Variants in NEK7 observed in about 807,000 individuals in gnomAD.
The protein encoded by NEK7 is serine/threonine-protein kinase Nek7.
A neutral mutation model predicts 44.6 loss-of-function variants in NEK7; 18 were observed. That is an observed-to-expected ratio of 0.40 (90% CI 0.28 to 0.60). NEK7 has a LOEUF of 0.60. Among genes scored for constraint, NEK7 ranks in the 20% least tolerant of loss-of-function variants. NEK7 has a pLI of 0.38. For missense variants in NEK7, 256 were observed against 366.5 expected (o/e 0.70, Z 2.46); for synonymous variants, 130 against 121.1 (o/e 1.07, Z -0.48).
At chr1:198,275,351 G>T (rs550870965) in intron 5 of NEK7, among the ~76,000 whole-genome samples, 1 of 151,080 alleles carries the variant, frequency 6.6e-6, no homozygotes, top group Non-Finnish European at 1.5e-5. Flanking sequence ...TTGTAAAAGC[G>T]CCCTGTCACA....
At chr1:198,204,754 C>G (rs1369787183) in intron 1 of NEK7, among the ~76,000 whole-genome samples, 1 of 148,770 alleles carries the variant, frequency 6.7e-6, no homozygotes, top group Non-Finnish European at 1.5e-5. Flanking sequence ...TCAGGTATTT[C>G]ATTTACAGAT....
chr1:198,278,813 C>A, intron 6 of NEK7, 141 bp from the exon 7 acceptor site: 1 of 575,368 alleles, frequency 1.7e-6, no homozygotes, highest in East Asian at 2.9e-5. Context: ...CAGAATTATT[C>A]AAAATAAACT....
intron 7 of NEK7, among the ~76,000 whole-genome samples, chr1:198,288,538 G>A (rs1654450555): frequency 6.6e-6 from 1 of 152,170 alleles, no homozygotes; most frequent in African/African-American, 2.4e-5. Context: ...TTAAATGCAA[G>A]AGACAAGAAC....
intron 9 of NEK7, among the ~76,000 whole-genome samples, chr1:198,310,932 G>C (rs1248410600): frequency 1.3e-5 from 2 of 149,170 alleles, no homozygotes; most frequent in South Asian, 2.1e-4. Context: ...CTCTTTTTTG[G>C]TTCCATATGA....
chr1:198,282,117 C>T (rs748877365), intron 7 of NEK7, among the ~76,000 whole-genome samples: 3 of 152,072 alleles, frequency 2.0e-5, no homozygotes, highest in Non-Finnish European at 4.4e-5. Flanking sequence ...CTCAAAATAT[C>T]TCTACTTTCC....
At position 198,321,420 on chromosome 1, in the gene NEK7, A is replaced by C. The variant is rs567755385; in HGVS notation, c.*1898A>C. 6.6e-6 allele frequency: 1 copy of C among 152,238 alleles called. No homozygotes were observed. The highest frequency in any genetic ancestry group is 1.5e-5 in the Non-Finnish European group (1 of 67,964). The allele number at this position is 152,238 out of a possible 1,614,324, so 9.4% of individuals were successfully genotyped here. ...ATTATTCTTATTGACCATTAATGTC[A>C]TGTTCATTTTAATGTAATATAATTG... is the stretch of plus-strand genomic sequence containing the variant. On this transcript the variant is annotated 3_prime_UTR_variant, in exon 10 of 10. Coordinates refer to ENST00000367385, the MANE Select transcript of NEK7 (RefSeq NM_133494.3).
At chr1:198,271,212 A>C (rs1653834553) in intron 5 of NEK7, among the ~76,000 whole-genome samples, 1 of 152,052 alleles carries the variant, frequency 6.6e-6, no homozygotes, top group Admixed American at 6.6e-5. Flanking sequence ...ACTCAAAGTC[A>C]GCTGATTAGG....
intron 7 of NEK7, among the ~76,000 whole-genome samples, chr1:198,287,470 A>G (rs570004459): frequency 1.3e-5 from 2 of 152,290 alleles, no homozygotes; most frequent in African/African-American, 4.8e-5. Flanking sequence ...GGAAGTTTAC[A>G]TTTACTGAAA....
chr1:198,197,539 A>G (rs1665278305), intron 1 of NEK7, among the ~76,000 whole-genome samples: 1 of 152,228 alleles, frequency 6.6e-6, no homozygotes, highest in Non-Finnish European at 1.5e-5. Flanking sequence ...TCTTCAAAAA[A>G]TAGCTCCCCT....
intron 9 of NEK7, among the ~76,000 whole-genome samples, chr1:198,306,441 G>A (rs928327715): frequency 2.0e-5 from 3 of 152,068 alleles, no homozygotes; most frequent in Non-Finnish European, 4.4e-5. Flanking sequence ...CCTATTATGT[G>A]TATTTAACAT....
intron 1 of NEK7, among the ~76,000 whole-genome samples, chr1:198,196,978 C>G (rs6428439): frequency 0.15 from 22,644 of 152,086 alleles, 1,859 homozygotes; most frequent in East Asian, 0.22. Flanking sequence ...GGGGGTGGGA[C>G]TTGGACTTTT....
At chr1:198,192,672 C>T (rs773354585) in intron 1 of NEK7, among the ~76,000 whole-genome samples, 18 of 151,992 alleles carry the variant, frequency 1.2e-4, no homozygotes, top group Non-Finnish European at 2.1e-4. Context: ...CACTCAAAAC[C>T]ACAACTACAT....
intron 1 of NEK7, among the ~76,000 whole-genome samples, chr1:198,207,970 A>G (rs1405134053): frequency 6.6e-6 from 1 of 152,164 alleles, no homozygotes; most frequent in Non-Finnish European, 1.5e-5. Context: ...AACTTCATTT[A>G]TCTCTCTATT....
intron 1 of NEK7, among the ~76,000 whole-genome samples, chr1:198,232,188 G>T (rs1249096682): frequency 1.3e-5 from 2 of 152,142 alleles, no homozygotes; most frequent in Non-Finnish European, 2.9e-5. Flanking sequence ...GCATTTTAGG[G>T]ATGTAAAACA....
chr1:198,298,709 C>T (rs1654786749), intron 9 of NEK7, among the ~76,000 whole-genome samples: 1 of 152,094 alleles, frequency 6.6e-6, no homozygotes, highest in Non-Finnish European at 1.5e-5. Flanking sequence ...TTCTTTTTTC[C>T]ATGAAGCGCA....
chr1:198,313,226 T>C (rs1310434314), intron 9 of NEK7, among the ~76,000 whole-genome samples: 1 of 152,216 alleles, frequency 6.6e-6, no homozygotes, highest in Non-Finnish European at 1.5e-5. Flanking sequence ...TCTTTGTTGG[T>C]TTAAAGTCTG....
chr1:198,286,483 C>G (rs756970975), intron 7 of NEK7, among the ~76,000 whole-genome samples: 1 of 148,194 alleles, frequency 6.7e-6, no homozygotes, highest in African/African-American at 2.5e-5. Flanking sequence ...TTATGTAATT[C>G]TTGGTGTGAG....
At chr1:198,208,952 T>C (rs551325398) in intron 1 of NEK7, among the ~76,000 whole-genome samples, 124 of 152,122 alleles carry the variant, frequency 8.2e-4, no homozygotes, top group African/African-American at 2.9e-3. Flanking sequence ...TTTTCTTGGC[T>C]TCCTTCAGCC....
chr1:198,313,870 C>T (rs566697722), intron 9 of NEK7, among the ~76,000 whole-genome samples: 2 of 152,230 alleles, frequency 1.3e-5, no homozygotes, highest in African/African-American at 4.8e-5. Context: ...CTGCCCCTAA[C>T]ATTTTTTCCT....
Sources: allele counts gnomAD v4.1 joint callset (sites outside exome capture counted in the v4.1 genomes callset), GRCh38; gene constraint gnomAD v4.1.1; transcripts MANE v1.5; gene names NCBI Gene and HGNC (gene_info 2026-07-23, HGNC 2026-07-21).